ADGRV1: variants seen among roughly 807,000 people sequenced by gnomAD.
The protein encoded by ADGRV1 is G-protein coupled receptor 98.
A neutral mutation model predicts 596.2 loss-of-function variants in ADGRV1; 359 were observed. That is an observed-to-expected ratio of 0.60 (90% confidence interval 0.55 to 0.66). The LOEUF is 0.66. Ranked by LOEUF, ADGRV1 falls within the 30% of genes least tolerant of loss-of-function variation. ADGRV1 has a pLI of 0.00. For synonymous variants in ADGRV1, 2,681 were observed against 2,679.2 expected (o/e 1.00, Z -0.02); for missense variants, 7,274 against 7,575.6 (o/e 0.96, Z 1.48).
chr5:90,862,170 A>G (rs938047713), intron 82 of ADGRV1, among the ~76,000 whole-genome samples: 1 of 152,244 alleles, frequency 6.6e-6, no homozygotes, highest in Admixed American at 6.5e-5. Context: ...GGAAAAGGCT[A>G]TAAGTAAGCT....
At chr5:90,927,806 A>C (rs1321446390) in intron 83 of ADGRV1, among the ~76,000 whole-genome samples, 1 of 151,278 alleles carries the variant, frequency 6.6e-6, no homozygotes, top group Non-Finnish European at 1.5e-5. Flanking sequence ...TTCCTTCAGG[A>C]GCTCTTTTAG....
At chr5:91,104,863 T>TTC (rs1430867337) in intron 87 of ADGRV1, among the ~76,000 whole-genome samples, 1 of 145,904 alleles carries the variant, frequency 6.9e-6, no homozygotes, top group Non-Finnish European at 1.5e-5. Context: ...TTCTTTTCTT[T>TTC]TTTTTTTTTT....
At chr5:91,000,668 CTGTG>C (rs6149110) in intron 85 of ADGRV1, among the ~76,000 whole-genome samples, 9,512 of 141,162 alleles carry the variant, frequency 0.067, 381 homozygotes, top group Middle Eastern at 0.088. Context: ...CTTACAGGAT[CTGTG>C]TGTGTGTGTG....
chr5:90,915,718 G>A (rs751616569), intron 83 of ADGRV1, among the ~76,000 whole-genome samples: 8 of 152,270 alleles, frequency 5.3e-5, no homozygotes, highest in South Asian at 2.1e-4. Context: ...CCCAGCCCCC[G>A]TGGGTGCTGA....
intron 83 of ADGRV1, among the ~76,000 whole-genome samples, chr5:90,908,158 G>T (rs1772497884): frequency 6.6e-6 from 1 of 152,096 alleles, no homozygotes; most frequent in East Asian, 1.9e-4. Flanking sequence ...GCCGGAATTT[G>T]CCAGTAAATT....
chr5:91,065,213 AAAAGTT>A (rs1787782771), intron 85 of ADGRV1, among the ~76,000 whole-genome samples: 1 of 152,142 alleles, frequency 6.6e-6, no homozygotes. Context: ...GTAGAGAAGA[AAAAGTT>A]GAAGTGACAA....
At chr5:91,039,657 A>G (rs751206680) in intron 85 of ADGRV1, among the ~76,000 whole-genome samples, 11 of 152,212 alleles carry the variant, frequency 7.2e-5, no homozygotes, top group Admixed American at 2.6e-4. Flanking sequence ...GTAAATTGGG[A>G]AAGAGCTGAA....
At position 91,072,563 on chromosome 5, in the gene ADGRV1, A is replaced by G. The variant is rs1413711614; in HGVS notation, c.18269A>G (p.Lys6090Arg). 5.0e-6 allele frequency: 8 copies of G among 1,613,782 alleles called. No individual in the cohort carries two copies. The highest frequency in any genetic ancestry group is 5.9e-6 in the Non-Finnish European group (7 of 1,179,796). The change falls in exon 86 of 90, where the codon AAA becomes AGA. Residue 6090 changes from lysine (K) to arginine (R), a missense_variant. Physicochemically the swap from Lys to Arg is conservative, Grantham distance 26. Coordinates refer to ENST00000405460, the MANE Select transcript of ADGRV1 (RefSeq NM_032119.4). Reference sequence around the variant, plus strand: ...GCCTACCAGGTGAAGCCACAGTGGAAAGCATATGATGATGTCTTCAGAGGA... The same window carrying G: ...GCCTACCAGGTGAAGCCACAGTGGAGAGCATATGATGATGTCTTCAGAGGA... ...IHAYQVKPQW[K>R]AYDDVFRGRT...
intron 1 of ADGRV1, among the ~76,000 whole-genome samples, chr5:90,595,747 C>A (rs1266766670): frequency 3.6e-5 from 5 of 137,428 alleles, no homozygotes; most frequent in Admixed American, 1.4e-4. Flanking sequence ...CGGGCAGAGG[C>A]GCCCCTCACC....
chr5:90,773,554 A>G (rs937119978), intron 59 of ADGRV1, among the ~76,000 whole-genome samples: 1 of 152,218 alleles, frequency 6.6e-6, no homozygotes, highest in African/African-American at 2.4e-5. Context: ...AGTGGAACTG[A>G]TATGAGTAAA....
chr5:90,637,959 A>G lies in ADGRV1; in HGVS notation c.2240+11A>G, dbSNP rs1766439090. On this transcript the variant is annotated intron_variant, in intron 11 of 89. Coordinates refer to ENST00000405460, the MANE Select transcript of ADGRV1 (RefSeq NM_032119.4). ...ACTTTCTCTAGACAGGTAATAACCC[A>G]TTTAGGTAATGTTTAGTATCATTTA... 2 of 1,573,846 alleles carry G rather than the reference A, an allele frequency of 1.3e-6. No homozygotes were observed. Among genetic ancestry groups the G allele is most frequent in the Non-Finnish European group, 1.7e-6 (2 of 1,145,524 alleles).
intron 30 of ADGRV1, 23 bp downstream of exon 30, chr5:90,690,099 C>T: frequency 7.7e-7 from 1 of 1,301,758 alleles, no homozygotes; most frequent in South Asian, 1.3e-5. Flanking sequence ...ATTTATGTCT[C>T]TCTTTGACTT....
intron 26 of ADGRV1, among the ~76,000 whole-genome samples, chr5:90,680,337 A>G (rs1364501589): frequency 6.6e-6 from 1 of 151,864 alleles, no homozygotes; most frequent in Non-Finnish European, 1.5e-5. Context: ...ACTGGGTGAC[A>G]GAGCAAGACT....
intron 1 of ADGRV1, among the ~76,000 whole-genome samples, chr5:90,580,065 A>T (rs1233424748): frequency 6.6e-6 from 1 of 152,010 alleles, no homozygotes; most frequent in African/African-American, 2.4e-5. Context: ...CTCTTTATTC[A>T]ATTTGCTAGT....
chr5:90,596,431 A>T (rs1462873741), intron 1 of ADGRV1, among the ~76,000 whole-genome samples: 1 of 151,848 alleles, frequency 6.6e-6, no homozygotes, highest in East Asian at 1.9e-4. Context: ...TGGGAGGCCA[A>T]GGCAGGCGGC....
At chr5:91,017,707 C>T (rs539617968) in intron 85 of ADGRV1, among the ~76,000 whole-genome samples, 111 of 151,922 alleles carry the variant, frequency 7.3e-4, no homozygotes, top group African/African-American at 2.5e-3. Flanking sequence ...TGAATTTACC[C>T]CCAGGACAAT....
intron 84 of ADGRV1, among the ~76,000 whole-genome samples, chr5:90,973,946 GA>G (rs1779306844): frequency 1.3e-5 from 2 of 152,326 alleles, no homozygotes; most frequent in South Asian, 4.1e-4. Context: ...TGTCTATTTA[GA>G]AAACTGCATT....
chr5:90,942,324 T>G (rs1463592794), intron 83 of ADGRV1, among the ~76,000 whole-genome samples: 2 of 152,202 alleles, frequency 1.3e-5, no homozygotes, highest in Non-Finnish European at 2.9e-5. Flanking sequence ...GAGTTAATTC[T>G]GGAAAAACAG....
At chr5:91,144,941 A>C (rs1385600808) in intron 87 of ADGRV1, among the ~76,000 whole-genome samples, 3 of 152,372 alleles carry the variant, frequency 2.0e-5, no homozygotes, top group South Asian at 4.1e-4. Flanking sequence ...AGACTGGCAT[A>C]CAAAAGGGAG....
Sources: gnomAD v4.1 joint callset for allele counts (sites outside exome capture counted in the v4.1 genomes callset) on GRCh38, gnomAD v4.1.1 for gene constraint, MANE v1.5 for transcripts, NCBI Gene and HGNC (gene_info 2026-07-23, HGNC 2026-07-21) for gene names.